Variants in DCHS2 observed in about 807,000 individuals in gnomAD.
DCHS2 encodes the protein dachsous cadherin-related 2, also known as protocadherin-23.
In DCHS2, 142 loss-of-function variants were observed where a neutral mutation model predicts 182.4. The observed-to-expected ratio is 0.78, with a 90% CI of 0.68 to 0.89. The LOEUF (loss-of-function observed/expected upper bound fraction) is 0.89. Ranked by LOEUF, DCHS2 falls within the 40% of genes least tolerant of loss-of-function variation. DCHS2 has a pLI of 0.00. For synonymous variants in DCHS2, 1,740 were observed against 1,663.3 expected, an observed-to-expected ratio of 1.05 and a Z score of -1.12; for missense variants, 4,319 against 4,198.6, an observed-to-expected ratio of 1.03 and a Z score of -0.79.
At chr4:154,412,021 C>T (rs2110893770) in intron 1 of DCHS2, among the ~76,000 whole-genome samples, 1 of 152,150 alleles carries the variant, frequency 6.6e-6, no homozygotes, top group East Asian at 1.9e-4. Context: ...TAATATAGGG[C>T]TTAAATAATT....
chr4:154,255,565 T>C lies in DCHS2; in HGVS notation c.6895A>G (p.Ile2299Val), dbSNP rs368581662. Reference sequence around the variant, plus strand: ...TAATCTAGAATCGCTTTTGTTGTTATCACACCACTCAGTGCATCAATCTGG... The same window carrying C: ...TAATCTAGAATCGCTTTTGTTGTTACCACACCACTCAGTGCATCAATCTGG... ...AFQIDALSGV[I>V]TTKAILDYEL... Residue 2299 changes from isoleucine (I) to valine (V), a missense_variant, in exon 16 of 20, where the codon ATA (isoleucine) becomes GTA (valine). Physicochemically the swap from Ile to Val is conservative, Grantham distance 29. Transcript: ENST00000357232. 1.2e-6 allele frequency: 2 copies of C among 1,613,944 alleles called. No homozygotes were observed. The highest frequency in any genetic ancestry group is 1.7e-6 in the Non-Finnish European group (2 of 1,179,914).
chr4:154,322,415 A>G lies in DCHS2; in HGVS notation c.4092T>C (p.Asp1364=). The change falls in exon 8 of 20, where the codon GAT becomes GAC. Residue 1364 remains aspartate, a synonymous_variant. Coordinates refer to ENST00000357232, the MANE Select transcript of DCHS2 (RefSeq NM_001358235.2). ...CACTCATTCTGTAGGAAGGTCTATA[A>G]TCATACGAAAGTATTGTGGTTGTTC... The part of the protein sequence containing the change: ...EIRTTTILSY[D]YRPSYRMSVI... The G allele has an allele frequency of 6.2e-7, 1 of 1,613,784 alleles. No individual in the cohort carries two copies.
At chr4:154,344,666 G>T (rs1729274214) in intron 3 of DCHS2, among the ~76,000 whole-genome samples, 1 of 152,176 alleles carries the variant, frequency 6.6e-6, no homozygotes, top group Non-Finnish European at 1.5e-5. Flanking sequence ...AAGGAAAAAG[G>T]CAGTATTGCT....
At chr4:154,391,829 G>C (rs1449181793) in intron 1 of DCHS2, among the ~76,000 whole-genome samples, 1 of 152,180 alleles carries the variant, frequency 6.6e-6, no homozygotes, top group African/African-American at 2.4e-5. Context: ...GCCCTGACCT[G>C]CTGAAAGCTA....
At chr4:154,239,426 C>A in intron 18 of DCHS2, 124 bp from the exon 19 acceptor site, 1 of 1,389,954 alleles carries the variant, frequency 7.2e-7, no homozygotes, top group Non-Finnish European at 9.7e-7. Flanking sequence ...TACAACCTGA[C>A]TTTGTTAGAC....
intron 1 of DCHS2, among the ~76,000 whole-genome samples, chr4:154,407,664 G>A (rs1046199637): frequency 2.0e-5 from 3 of 152,160 alleles, no homozygotes; most frequent in Non-Finnish European, 4.4e-5. Context: ...CACTATGCCA[G>A]TGAGGTGCCC....
intron 1 of DCHS2, among the ~76,000 whole-genome samples, chr4:154,470,992 A>G (rs1735441424): frequency 6.6e-6 from 1 of 152,206 alleles, no homozygotes; most frequent in Non-Finnish European, 1.5e-5. Flanking sequence ...CAGTTGCACT[A>G]CAGAAGCAAT....
chr4:154,324,424 T>C (rs1296191249), intron 7 of DCHS2, among the ~76,000 whole-genome samples: 4 of 152,180 alleles, frequency 2.6e-5, no homozygotes, highest in Non-Finnish European at 5.9e-5. Context: ...AAAATGGTTT[T>C]GGGAGAACAT....
intron 1 of DCHS2, among the ~76,000 whole-genome samples, chr4:154,441,880 G>A (rs1734030143): frequency 6.6e-6 from 1 of 152,052 alleles, no homozygotes; most frequent in Admixed American, 6.5e-5. Flanking sequence ...CATAAACCGG[G>A]GCCACAGTCG....
intron 1 of DCHS2, among the ~76,000 whole-genome samples, chr4:154,432,528 G>C (rs1733601765): frequency 6.6e-6 from 1 of 152,082 alleles, no homozygotes. Flanking sequence ...CAGTAAGAGA[G>C]TAAAGGTCCT....
intron 14 of DCHS2, among the ~76,000 whole-genome samples, chr4:154,265,143 C>A (rs2111187986): frequency 6.6e-6 from 1 of 152,224 alleles, no homozygotes; most frequent in South Asian, 2.1e-4. Context: ...CTCTAGTTTG[C>A]AAATTTGCCA....
rs1221633866 is a variant in DCHS2, at chr4:154,240,686, A to C, written c.7210T>G (p.Leu2404Val). 21 of 1,613,872 alleles carry C rather than the reference A, an allele frequency of 1.3e-5. No homozygotes were observed. The highest frequency in any genetic ancestry group is 1.8e-5 in the Non-Finnish European group (21 of 1,179,934). The part of the protein sequence containing the change: ...AIDQNTGVVV[L>V]VKTLDFEEMT... ...TCTTCAAAATCCAATGTTTTCACCA[A>C]CACCACCACTCCAGTGTTCTGATCA... The change falls in exon 18 of 20, where the codon TTG becomes GTG. Residue 2404 changes from leucine to valine, a missense_variant. Leu to Val is a conservative substitution (Grantham distance 32, BLOSUM62 1). Transcript: ENST00000357232.
chr4:154,378,790 G>A (rs549358379), intron 1 of DCHS2, among the ~76,000 whole-genome samples: 322 of 152,250 alleles, frequency 2.1e-3, no homozygotes, highest in African/African-American at 7.5e-3. Flanking sequence ...TGATCTATGT[G>A]CTGCCTCCCA....
At chr4:154,358,643 A>G (rs1360680897) in intron 3 of DCHS2, among the ~76,000 whole-genome samples, 1 of 152,168 alleles carries the variant, frequency 6.6e-6, no homozygotes, top group Non-Finnish European at 1.5e-5. Context: ...AAAGAAGGGA[A>G]GTATTAGGAT....
At chr4:154,290,429 A>G (rs1450105283) in intron 13 of DCHS2, among the ~76,000 whole-genome samples, 1 of 152,114 alleles carries the variant, frequency 6.6e-6, no homozygotes, top group Non-Finnish European at 1.5e-5. Flanking sequence ...CTTCATAGAA[A>G]TAGAAAAAAT....
Position 154,389,689 on chromosome 4 carries a change from T to C in DCHS2, c.2053-12245A>G, listed in dbSNP as rs1035227153. Among the ~76,000 whole-genome samples the C allele has an allele frequency of 3.9e-5, 6 of 152,098 alleles. No homozygotes were observed. The East Asian group carries it at 7.7e-4, about 20-fold the overall frequency. On this transcript the variant is annotated intron_variant, in intron 1 of 19. Transcript: ENST00000357232. Reference sequence around the variant, plus strand: ...AAAATGGATTTATTACAGGATCCAGTAATTCTTTAATCGAGATCCTTTTAA... The same window carrying C: ...AAAATGGATTTATTACAGGATCCAGCAATTCTTTAATCGAGATCCTTTTAA...
At chr4:154,279,285 C>G (rs1734011930) in intron 13 of DCHS2, among the ~76,000 whole-genome samples, 1 of 151,456 alleles carries the variant, frequency 6.6e-6, no homozygotes, top group African/African-American at 2.4e-5. Flanking sequence ...AAAAAATTAA[C>G]AAAACACAAA....
At chr4:154,305,472 G>T (rs2111301476) in intron 10 of DCHS2, among the ~76,000 whole-genome samples, 1 of 152,228 alleles carries the variant, frequency 6.6e-6, no homozygotes, top group South Asian at 2.1e-4. Flanking sequence ...TGAATGCTTA[G>T]AATTTTTTCC....
At chr4:154,339,655 G>T (rs1440321954) in intron 3 of DCHS2, among the ~76,000 whole-genome samples, 1 of 151,974 alleles carries the variant, frequency 6.6e-6, no homozygotes, top group Non-Finnish European at 1.5e-5. Flanking sequence ...CACCATATTG[G>T]CCAGGCTGGT....
Sources: allele counts gnomAD v4.1 joint callset (sites outside exome capture counted in the v4.1 genomes callset), GRCh38; gene constraint gnomAD v4.1.1; transcripts MANE v1.5; gene names NCBI Gene and HGNC (gene_info 2026-07-23, HGNC 2026-07-21).